Variants in PIWIL3 observed in about 807,000 individuals in gnomAD.
PIWIL3 encodes piwi like RNA-mediated gene silencing 3.
Under a neutral mutation model 109.7 loss-of-function variants are expected in PIWIL3, and 101 were observed. That is an observed-to-expected ratio of 0.92 (90% confidence interval 0.78 to 1.09). The LOEUF is 1.09. PIWIL3 is among the 50% of genes least tolerant of loss of function. The pLI is 0.00. For synonymous variants in PIWIL3, 373 were observed against 376.4 expected (o/e 0.99, Z 0.10); for missense variants, 1,031 against 1,072.6 (o/e 0.96, Z 0.54).
At chr22:24,724,143 G>C (rs972520657) in intron 18 of PIWIL3, among the ~76,000 whole-genome samples, 1 of 152,128 alleles carries the variant, frequency 6.6e-6, no homozygotes, top group African/African-American at 2.4e-5. Flanking sequence ...AATCAAAGCA[G>C]AAGGGTCTTC....
At chr22:24,754,430 ATATT>A (rs1409791332) in intron 7 of PIWIL3, among the ~76,000 whole-genome samples, 1 of 152,202 alleles carries the variant, frequency 6.6e-6, no homozygotes, top group Non-Finnish European at 1.5e-5. Context: ...TGTCATATCC[ATATT>A]TATCTGTAAC....
In PIWIL3 at chr22:24,757,903, C is replaced by T; in HGVS notation, c.355+5G>A. The T allele has an allele frequency of 6.3e-7, 1 of 1,594,660 alleles. No homozygotes were observed. The highest frequency in any genetic ancestry group is 8.5e-7 in the Non-Finnish European group (1 of 1,174,070). On this transcript the variant is annotated splice_donor_5th_base_variant and intron_variant, in intron 4 of 20. Coordinates refer to ENST00000616349, the MANE Select transcript of PIWIL3 (RefSeq NM_001255975.1). ...CCATAAACATTGAGTTCTAGACCAA[C>T]ATACCTGTTTTTGAGTCTTTAACAT...
intron 5 of PIWIL3, 135 bp from the exon 6 acceptor site, chr22:24,756,040 C>A (rs375097793): frequency 4.6e-5 from 41 of 892,080 alleles, no homozygotes; most frequent in Non-Finnish European, 6.8e-5. Context: ...CACAAAAGTA[C>A]GTGCGTGTGG....
chr22:24,746,029 AAAG>A (rs1468208098), intron 12 of PIWIL3, among the ~76,000 whole-genome samples: 4 of 152,206 alleles, frequency 2.6e-5, no homozygotes, highest in Non-Finnish European at 4.4e-5. Context: ...CCAAACATTT[AAAG>A]AAGAACTAAT....
At chr22:24,757,674 A>ATATATATAAAATATGTATATAT (rs1383950942) in intron 4 of PIWIL3, among the ~76,000 whole-genome samples, 7 of 132,060 alleles carry the variant, frequency 5.3e-5, no homozygotes, top group Non-Finnish European at 1.2e-4. Context: ...ACACACACAC[A>ATATATATAAAATATGTATATAT]CACACACACA....
chr22:24,738,420 G>A (rs1007397641), intron 12 of PIWIL3, among the ~76,000 whole-genome samples: 1 of 152,254 alleles, frequency 6.6e-6, no homozygotes, highest in Admixed American at 6.5e-5. Context: ...TAGCCTGGTG[G>A]TGGTCACAGT....
intron 1 of PIWIL3, among the ~76,000 whole-genome samples, chr22:24,765,308 A>G (rs1051611599): frequency 1.3e-5 from 2 of 152,014 alleles, no homozygotes; most frequent in South Asian, 2.1e-4. Flanking sequence ...CCTCTCCCCC[A>G]TTTCAGGAAT....
At chr22:24,758,559 G>A (rs1440513226) in intron 3 of PIWIL3, among the ~76,000 whole-genome samples, 1 of 152,186 alleles carries the variant, frequency 6.6e-6, no homozygotes, top group Non-Finnish European at 1.5e-5. Context: ...ACAGCACAAT[G>A]CGGTCTTTCA....
chr22:24,737,145 C>T (rs1923703052), intron 12 of PIWIL3, among the ~76,000 whole-genome samples: 1 of 152,212 alleles, frequency 6.6e-6, no homozygotes, highest in South Asian at 2.1e-4. Flanking sequence ...CCTCCCCCAA[C>T]TCAATGGCAG....
At chr22:24,726,519 T>C (rs1923006858) in intron 16 of PIWIL3, among the ~76,000 whole-genome samples, 1 of 152,150 alleles carries the variant, frequency 6.6e-6, no homozygotes, top group South Asian at 2.1e-4. Flanking sequence ...TCTCCTGACC[T>C]TGTGATCTGC....
rs1924187927 is a variant in PIWIL3 at position 24,744,179 on chromosome 22, A to AAAT, written c.1449+4727_1449+4728insATT. 2.6e-5 allele frequency among the ~76,000 whole-genome samples: 2 copies of AAAT among 75,820 alleles called. 1 individual carries two copies. The highest frequency in any genetic ancestry group is 1.2e-4 in the African/African-American group (2 of 16,872). 49.7% of individuals were successfully genotyped at this position (75,820 alleles called of 152,430 possible). A position where few individuals can be genotyped will look rare whatever the true frequency, so the allele number is the denominator to read the frequency against. ...CTCTAATTGAAAGAGTGACCGAATT[A>AAAT]AAAAAAAAAAAAAAAAAAAAAAAAA... is the stretch of plus-strand genomic sequence containing the variant. On this transcript the variant is annotated intron_variant, in intron 12 of 20. Transcript: ENST00000616349.
chr22:24,738,175 G>C (rs565819393), intron 12 of PIWIL3, among the ~76,000 whole-genome samples: 1 of 152,058 alleles, frequency 6.6e-6, no homozygotes, highest in Non-Finnish European at 1.5e-5. Flanking sequence ...AGAAAAAGAA[G>C]GAAGGGAAGA....
intron 13 of PIWIL3, among the ~76,000 whole-genome samples, chr22:24,734,816 A>G (rs1923560761): frequency 6.9e-6 from 1 of 145,534 alleles, no homozygotes; most frequent in African/African-American, 2.6e-5. Flanking sequence ...TAACCAGAAC[A>G]TAACTTTTTT....
intron 13 of PIWIL3, among the ~76,000 whole-genome samples, 178 bp from the exon 14 acceptor site, chr22:24,734,334 G>A (rs975556466): frequency 2.0e-5 from 3 of 152,186 alleles, no homozygotes; most frequent in Admixed American, 1.3e-4. Flanking sequence ...TACTTGTAAG[G>A]AGCTTTGACA....
At chr22:24,752,354 TG>T (rs1412396450) in intron 8 of PIWIL3, among the ~76,000 whole-genome samples, 1 of 152,176 alleles carries the variant, frequency 6.6e-6, no homozygotes, top group African/African-American at 2.4e-5. Flanking sequence ...GTCCCTGCCA[TG>T]TGTGCAGGTG....
intron 14 of PIWIL3, among the ~76,000 whole-genome samples, chr22:24,729,101 A>G (rs1923175822): frequency 6.6e-6 from 1 of 152,200 alleles, no homozygotes; most frequent in African/African-American, 2.4e-5. Context: ...CTCCATGGGA[A>G]GTTGCATAAG....
At chr22:24,761,831 G>T in intron 2 of PIWIL3, 1 of 510,726 alleles carries the variant, frequency 2.0e-6, no homozygotes, top group Non-Finnish European at 2.5e-6. Context: ...AGGTTGGAGG[G>T]CTTAGGAGAA....
At chr22:24,773,048 C>A (rs968049479) in intron 1 of PIWIL3, among the ~76,000 whole-genome samples, 5 of 152,112 alleles carry the variant, frequency 3.3e-5, no homozygotes, top group Non-Finnish European at 5.9e-5. Flanking sequence ...GGGCACTGAC[C>A]CCACTGCCCC....
At position 24,757,998 on chromosome 22, in the gene PIWIL3, G is replaced by C. The variant is rs376790377; in HGVS notation, c.265C>G (p.Pro89Ala). Reference sequence around the variant, plus strand: ...CCACCAATCCTTCTCTCCTGCAAGGGCGCTGTATGCAACCCAGCCTCAGGT... The same window carrying C: ...CCACCAATCCTTCTCTCCTGCAAGGCCGCTGTATGCAACCCAGCCTCAGGT... ...PGPEAGLHTAPLQERRIGGVF... is the reference protein window; with the variant it reads ...PGPEAGLHTAALQERRIGGVF... The change falls in exon 4 of 21, where the codon CCC becomes GCC. Residue 89 changes from proline (P) to alanine (A), a missense_variant. Transcript: ENST00000616349. 47 of 1,613,738 alleles carry C rather than the reference G, an allele frequency of 2.9e-5. No individual in the cohort carries two copies. Among genetic ancestry groups the C allele is most frequent in the Non-Finnish European group, 3.8e-5 (45 of 1,179,922 alleles).
Sources: gnomAD v4.1 joint callset for allele counts (sites outside exome capture counted in the v4.1 genomes callset) on GRCh38, gnomAD v4.1.1 for gene constraint, MANE v1.5 for transcripts, NCBI Gene and HGNC (gene_info 2026-07-23, HGNC 2026-07-21) for gene names.